EYS: variants seen among roughly 807,000 people sequenced by gnomAD.
EYS encodes protein eyes shut homolog.
Under a neutral mutation model 282.1 loss-of-function variants are expected in EYS, and 250 were observed. That is an observed-to-expected ratio of 0.89 (90% CI 0.80 to 0.98). The LOEUF (loss-of-function observed/expected upper bound fraction) is 0.98, where lower values mean the gene tolerates loss of function less well. Among genes scored for constraint, EYS ranks in the 50% least tolerant of loss-of-function variants. The pLI is 0.00. For synonymous variants in EYS, 1,355 were observed against 1,282.9 expected, an observed-to-expected ratio of 1.06 and a Z score of -1.20; for missense variants, 4,016 against 3,709.0, an observed-to-expected ratio of 1.08 and a Z score of -2.15.
At chr6:64,582,775 T>C (rs1223680652) in intron 26 of EYS, among the ~76,000 whole-genome samples, 25 of 152,122 alleles carry the variant, frequency 1.6e-4, no homozygotes, top group Non-Finnish European at 1.5e-5. Context: ...ATGCAGTGAC[T>C]AGTGGGAATG....
chr6:64,717,922 TTC>T (rs756281026), intron 22 of EYS, among the ~76,000 whole-genome samples: 5 of 152,180 alleles, frequency 3.3e-5, no homozygotes, highest in African/African-American at 4.8e-5. Context: ...TTCCTCAAAA[TTC>T]TCTTTTTCAC....
chr6:65,682,275 C>A (rs1285893163), intron 1 of EYS, among the ~76,000 whole-genome samples: 1 of 151,868 alleles, frequency 6.6e-6, no homozygotes, highest in Non-Finnish European at 1.5e-5. Context: ...ACTCCAGTTT[C>A]ATCAGAGGGT....
At chr6:64,976,041 T>C (rs1770466565) in intron 14 of EYS, among the ~76,000 whole-genome samples, 1 of 151,898 alleles carries the variant, frequency 6.6e-6, no homozygotes, top group African/African-American at 2.4e-5. Context: ...TTTGCCTAAC[T>C]TTATTAAATG....
At position 64,667,700 on chromosome 6, in the gene EYS, C is replaced by T. The variant is rs562333727; in HGVS notation, c.3444-41455G>A. ...TCCAGCACCCATAAAACATTAGAAACACTCAAAAGGTAATTTACATATTGT... is the reference window on the plus strand; with the variant it reads ...TCCAGCACCCATAAAACATTAGAAATACTCAAAAGGTAATTTACATATTGT... On this transcript the variant is annotated intron_variant, in intron 22 of 42. Coordinates refer to ENST00000503581, the MANE Select transcript of EYS (RefSeq NM_001142800.2). 2.6e-5 allele frequency among the ~76,000 whole-genome samples: 4 copies of T among 152,026 alleles called. No homozygotes were observed. The South Asian group carries it at 6.2e-4, about 24-fold the overall frequency.
chr6:63,962,413 G>GA (rs995902349), intron 35 of EYS, among the ~76,000 whole-genome samples: 1 of 151,894 alleles, frequency 6.6e-6, no homozygotes, highest in African/African-American at 2.4e-5. Context: ...AAATTTACAA[G>GA]AAAAAAACAA....
intron 28 of EYS, among the ~76,000 whole-genome samples, chr6:64,428,167 C>A (rs991648608): frequency 2.0e-5 from 3 of 152,014 alleles, no homozygotes; most frequent in African/African-American, 7.2e-5. Context: ...AATAAGATAA[C>A]CATAATCTTT....
chr6:64,586,223 G>C (rs1348004563), intron 26 of EYS, among the ~76,000 whole-genome samples: 1 of 151,972 alleles, frequency 6.6e-6, no homozygotes, highest in African/African-American at 2.4e-5. Context: ...TCCACATGAG[G>C]ACACCTCATT....
At chr6:64,187,848 G>A (rs1237511394) in intron 31 of EYS, among the ~76,000 whole-genome samples, 1 of 151,652 alleles carries the variant, frequency 6.6e-6, no homozygotes, top group Non-Finnish European at 1.5e-5. Flanking sequence ...AAATTTCACT[G>A]GCTCTTTGTG....
chr6:64,641,703 C>T (rs1768157619), intron 22 of EYS, among the ~76,000 whole-genome samples: 1 of 152,082 alleles, frequency 6.6e-6, no homozygotes, highest in African/African-American at 2.4e-5. Flanking sequence ...AGGTCCATGG[C>T]CTGTTAGGAA....
intron 22 of EYS, among the ~76,000 whole-genome samples, chr6:64,676,910 A>C (rs2149901103): frequency 6.6e-6 from 1 of 152,286 alleles, no homozygotes; most frequent in Admixed American, 6.5e-5. Context: ...CTTGGGAGTT[A>C]GGATTTCAAC....
At chr6:65,355,834 G>A (rs1764458862) in intron 8 of EYS, among the ~76,000 whole-genome samples, 1 of 152,082 alleles carries the variant, frequency 6.6e-6, no homozygotes, top group South Asian at 2.1e-4. Context: ...AACAATAGAT[G>A]TTGGTGAAGA....
At chr6:65,483,592 G>A (rs1233597317) in intron 5 of EYS, among the ~76,000 whole-genome samples, 1 of 151,978 alleles carries the variant, frequency 6.6e-6, no homozygotes, top group Non-Finnish European at 1.5e-5. Flanking sequence ...ATGCACAGTT[G>A]ATCATGGTAG....
chr6:63,789,057 C>T lies in EYS; in HGVS notation c.7578+1G>A, dbSNP rs1228475082. On this transcript the variant is annotated splice_donor_variant, in intron 38 of 42. Coordinates refer to ENST00000503581, the MANE Select transcript of EYS (RefSeq NM_001142800.2). LOFTEE classifies it high-confidence loss of function. ...GAAGTGACGAAGGAATGACTCTTTACCTTCAGCCAGCCCTCTTGGAAGAAC... is the reference window on the plus strand; with the variant it reads ...GAAGTGACGAAGGAATGACTCTTTATCTTCAGCCAGCCCTCTTGGAAGAAC... 3 of 1,551,184 alleles carry T rather than the reference C, an allele frequency of 1.9e-6. No individual in the cohort carries two copies. The highest frequency in any genetic ancestry group is 3.9e-5 in the Admixed American group (2 of 50,956).
intron 35 of EYS, among the ~76,000 whole-genome samples, chr6:63,925,054 A>G (rs956609712): frequency 1.3e-5 from 2 of 152,222 alleles, no homozygotes; most frequent in African/African-American, 4.8e-5. Context: ...TCACAGCATA[A>G]TAATTTATAT....
chr6:64,493,808 C>T (rs1315197961), intron 26 of EYS, among the ~76,000 whole-genome samples: 1 of 151,492 alleles, frequency 6.6e-6, no homozygotes, highest in African/African-American at 2.4e-5. Context: ...TCCCCTTCTC[C>T]TTACACTTAA....
chr6:64,124,903 T>C lies in EYS; in HGVS notation c.6425-42901A>G, dbSNP rs116539058. The stretch of plus-strand genomic sequence containing the variant: ...GATAAAGCTGATTTAACCTCAGTCC[T>C]GAGTAGTATTTGGGTTTGTGACCTA... On this transcript the variant is annotated intron_variant, in intron 31 of 42. Transcript: ENST00000503581. Among the ~76,000 whole-genome samples the C allele has an allele frequency of 9.9e-3, 1,513 of 152,312 alleles. 34 individuals are homozygous for C. The highest frequency in any genetic ancestry group is 0.034 in the African/African-American group (1,394 of 41,560).
At chr6:65,369,936 T>C (rs1165295313) in intron 8 of EYS, among the ~76,000 whole-genome samples, 2 of 151,672 alleles carry the variant, frequency 1.3e-5, no homozygotes, top group African/African-American at 2.4e-5. Context: ...ACCCAGTCCC[T>C]AAGTGTGAAG....
At chr6:64,312,943 C>T (rs1045896310) in intron 29 of EYS, among the ~76,000 whole-genome samples, 2 of 99,672 alleles carry the variant, frequency 2.0e-5, no homozygotes, top group Non-Finnish European at 4.7e-5. Flanking sequence ...GTGCAAAAGG[C>T]TGAAAATTCC....
intron 30 of EYS, among the ~76,000 whole-genome samples, chr6:64,295,487 GAAGAAGAAGA>G (rs1258690320): frequency 5.5e-4 from 23 of 41,562 alleles, no homozygotes; most frequent in South Asian, 9.1e-4. Flanking sequence ...AGAAGAAGAA[GAAGAAGAAGA>G]AAGAAGAAAG....
Sources: allele counts gnomAD v4.1 joint callset (sites outside exome capture counted in the v4.1 genomes callset), GRCh38; gene constraint gnomAD v4.1.1; transcripts MANE v1.5; gene names NCBI Gene and HGNC (gene_info 2026-07-23, HGNC 2026-07-21).